The following ST6GALNAC5 variants were observed in gnomAD, a reference collection of about 807,000 sequenced individuals.
ST6GALNAC5 encodes the protein ST6 N-acetylgalactosaminide alpha-2,6-sialyltransferase 5, also known as alpha-N-acetylgalactosaminide alpha-2,6-sialyltransferase 5.
ST6GALNAC5 carries 27 observed loss-of-function variants against 33.6 expected under a neutral mutation model. The ratio of observed to expected loss-of-function variants is 0.80; its 90% CI spans 0.59 to 1.11. The LOEUF is 1.11. Among genes scored for constraint, ST6GALNAC5 ranks in the 50% least tolerant of loss-of-function variants. The probability of loss-of-function intolerance (pLI) is 0.00; values close to 1 mark genes in which losing one functional copy is unlikely to be tolerated. For synonymous variants in ST6GALNAC5, 194 were observed against 171.2 expected (o/e 1.13, Z -1.04); for missense variants, 428 against 454.0 (o/e 0.94, Z 0.52).
At chr1:76,942,704 AG>A (rs1647379848) in intron 2 of ST6GALNAC5, among the ~76,000 whole-genome samples, 1 of 152,064 alleles carries the variant, frequency 6.6e-6, no homozygotes, top group African/African-American at 2.4e-5. Context: ...TCTCTCTCCC[AG>A]GCTGAATTAG....
rs1405490676 is a variant in ST6GALNAC5 at position 77,063,898 on chromosome 1, TG to T, written c.*694del. On this transcript the variant is annotated 3_prime_UTR_variant, in exon 5 of 5. Coordinates refer to ENST00000477717, the MANE Select transcript of ST6GALNAC5 (RefSeq NM_030965.3). Reference sequence around the variant, plus strand: ...GTTAGCATGCAATTGGTATTTGACTTGGAAGTGTTGTGTTGTATTTTTTGAA... The same window carrying T: ...GTTAGCATGCAATTGGTATTTGACTTGAAGTGTTGTGTTGTATTTTTTGAA... 1 of 152,778 alleles carries T rather than the reference TG, an allele frequency of 6.5e-6. No individual in the cohort carries two copies. Among genetic ancestry groups the T allele is most frequent in the African/African-American group, 2.4e-5 (1 of 41,586 alleles). The allele number at this position is 152,778 out of a possible 1,614,324, so 9.5% of individuals were successfully genotyped here.
rs369923716 is a variant in ST6GALNAC5, at chr1:76,993,357, G to A, written c.262-50847G>A. Among the ~76,000 whole-genome samples the A allele has an allele frequency of 2.2e-4, 33 of 152,212 alleles. 1 individual carries two copies. The highest frequency in any genetic ancestry group is 7.5e-4 in the African/African-American group (31 of 41,534). On this transcript the variant is annotated intron_variant, in intron 2 of 4. Transcript: ENST00000477717. ...CCATCAGTGCCAAATTTGGAAAATA[G>A]CAAGAACTCAATCAATAGATGCTAA...
chr1:76,965,820 A>G (rs1249343102), intron 2 of ST6GALNAC5, among the ~76,000 whole-genome samples: 2 of 152,218 alleles, frequency 1.3e-5, no homozygotes, highest in African/African-American at 2.4e-5. Context: ...TCAGCTTTCT[A>G]CATATGGCTA....
intron 2 of ST6GALNAC5, among the ~76,000 whole-genome samples, chr1:77,041,319 C>G (rs1379627392): frequency 6.6e-6 from 1 of 152,178 alleles, no homozygotes; most frequent in Non-Finnish European, 1.5e-5. Context: ...ACAGTTCTGT[C>G]ATGGTTTGTC....
At chr1:77,024,897 T>G (rs930374677) in intron 2 of ST6GALNAC5, among the ~76,000 whole-genome samples, 1 of 152,338 alleles carries the variant, frequency 6.6e-6, no homozygotes, top group South Asian at 2.1e-4. Context: ...CAACTCCATC[T>G]GCTGTGACCC....
At chr1:76,894,476 A>G (rs976105491) in intron 2 of ST6GALNAC5, among the ~76,000 whole-genome samples, 17 of 139,858 alleles carry the variant, frequency 1.2e-4, no homozygotes, top group African/African-American at 3.8e-4. Flanking sequence ...AGGAAGAGGC[A>G]GGGGGGGGAT....
intron 2 of ST6GALNAC5, among the ~76,000 whole-genome samples, chr1:76,943,889 C>T (rs912977427): frequency 2.6e-5 from 4 of 152,082 alleles, no homozygotes; most frequent in African/African-American, 9.7e-5. Flanking sequence ...GGTTAATACA[C>T]ATTTCAAATG....
intron 2 of ST6GALNAC5, among the ~76,000 whole-genome samples, chr1:76,885,450 C>T (rs924761034): frequency 1.6e-4 from 25 of 152,242 alleles, no homozygotes; most frequent in Non-Finnish European, 3.4e-4. Context: ...CACGTGTATA[C>T]ACGACATTTA....
intron 4 of ST6GALNAC5, among the ~76,000 whole-genome samples, chr1:77,062,558 C>A (rs969366057): frequency 4.6e-5 from 7 of 152,138 alleles, no homozygotes; most frequent in African/African-American, 1.7e-4. Flanking sequence ...TGCATCCCAG[C>A]AGCCATGCTC....
chr1:77,064,353 C>G lies in ST6GALNAC5; in HGVS notation c.*1147C>G, dbSNP rs1359492137. ...TGTCCACATGGGCTAAAATCTACCC[C>G]CTGCTTCTCTCGAAGCATCACCATC... On this transcript the variant is annotated 3_prime_UTR_variant, in exon 5 of 5. Transcript: ENST00000477717. The G allele has an allele frequency of 6.6e-6, 1 of 152,108 alleles. No homozygotes were observed. Among genetic ancestry groups the G allele is most frequent in the Non-Finnish European group, 1.5e-5 (1 of 68,054 alleles). 9.4% of individuals were successfully genotyped at this position (152,108 alleles called of 1,614,324 possible). A position where few individuals can be genotyped will look rare whatever the true frequency, so the allele number is the denominator to read the frequency against.
intron 2 of ST6GALNAC5, among the ~76,000 whole-genome samples, chr1:77,002,037 A>G (rs1006709801): frequency 5.9e-5 from 9 of 151,864 alleles, no homozygotes; most frequent in African/African-American, 1.9e-4. Flanking sequence ...CTCTTTTTCT[A>G]TTGATTGGAA....
intron 2 of ST6GALNAC5, among the ~76,000 whole-genome samples, chr1:77,005,399 T>A (rs1650364430): frequency 6.6e-6 from 1 of 152,140 alleles, no homozygotes; most frequent in African/African-American, 2.4e-5. Context: ...TGGCACTCCC[T>A]AGTGAGATGA....
intron 2 of ST6GALNAC5, among the ~76,000 whole-genome samples, chr1:77,029,245 AAAC>A (rs1480213402): frequency 1.3e-5 from 2 of 152,208 alleles, no homozygotes; most frequent in South Asian, 2.1e-4. Flanking sequence ...CTGGCTTCTG[AAAC>A]AACGAGTATA....
At chr1:77,007,981 A>C (rs1035588040) in intron 2 of ST6GALNAC5, among the ~76,000 whole-genome samples, 1 of 152,178 alleles carries the variant, frequency 6.6e-6, no homozygotes, top group Non-Finnish European at 1.5e-5. Flanking sequence ...TACAACAGAC[A>C]TTTTCTTTGG....
At chr1:77,008,812 G>T (rs547033415) in intron 2 of ST6GALNAC5, among the ~76,000 whole-genome samples, 1 of 152,182 alleles carries the variant, frequency 6.6e-6, no homozygotes, top group Admixed American at 6.5e-5. Flanking sequence ...TTACAGGCGT[G>T]AGCCACCATC....
intron 2 of ST6GALNAC5, among the ~76,000 whole-genome samples, chr1:76,986,669 C>A (rs1186485984): frequency 1.3e-5 from 2 of 152,108 alleles, no homozygotes; most frequent in Admixed American, 6.6e-5. Context: ...TGGGTATATA[C>A]CCAAAGGATT....
chr1:77,036,344 G>A (rs1318801040), intron 2 of ST6GALNAC5, among the ~76,000 whole-genome samples: 1 of 152,114 alleles, frequency 6.6e-6, no homozygotes, highest in South Asian at 2.1e-4. Flanking sequence ...CATGCTGATG[G>A]TTGCCCAACT....
At chr1:77,057,397 C>T (rs1035105960) in intron 4 of ST6GALNAC5, among the ~76,000 whole-genome samples, 12 of 152,310 alleles carry the variant, frequency 7.9e-5, no homozygotes, top group East Asian at 3.9e-4. Flanking sequence ...ATAAATTTTA[C>T]GTGACACCAG....
intron 2 of ST6GALNAC5, among the ~76,000 whole-genome samples, chr1:76,968,471 T>A (rs1033256754): frequency 6.6e-6 from 1 of 152,342 alleles, no homozygotes; most frequent in South Asian, 2.1e-4. Flanking sequence ...AGCCTATGTG[T>A]GTCTCTGCAC....
Sources: allele counts gnomAD v4.1 joint callset (sites outside exome capture counted in the v4.1 genomes callset), GRCh38; gene constraint gnomAD v4.1.1; transcripts MANE v1.5; gene names NCBI Gene and HGNC (gene_info 2026-07-23, HGNC 2026-07-21).